Variants in CCP110 observed in about 807,000 individuals in gnomAD.
CCP110 encodes centriolar coiled-coil protein of 110 kDa.
CCP110 carries 43 observed loss-of-function variants against 105.5 expected under a neutral mutation model. The ratio of observed to expected loss-of-function variants is 0.41; its 90% CI spans 0.32 to 0.53. CCP110 has a LOEUF of 0.53. Ranked by LOEUF, CCP110 falls within the 20% of genes least tolerant of loss-of-function variation. CCP110 has a pLI of 0.32. For synonymous variants in CCP110, 353 were observed against 392.1 expected (o/e 0.90, Z 1.18); for missense variants, 1,016 against 1,189.1 (o/e 0.85, Z 2.14).
At chr16:19,530,521 C>T (rs1276050475) in intron 2 of CCP110, among the ~76,000 whole-genome samples, 2 of 151,640 alleles carry the variant, frequency 1.3e-5, no homozygotes, top group Admixed American at 1.3e-4. Flanking sequence ...TGGTGGATGC[C>T]TGTAATCCCA....
chr16:19,526,843 C>G (rs1969690573), intron 1 of CCP110: 1 of 152,054 alleles, frequency 6.6e-6, no homozygotes, highest in East Asian at 1.9e-4. Context: ...TGTTAAGAAG[C>G]TAATTATTTT....
chr16:19,547,113 T>G (rs1250545984), intron 12 of CCP110: 1 of 152,198 alleles, frequency 6.6e-6, no homozygotes, highest in Non-Finnish European at 1.5e-5. Flanking sequence ...CTTAGAAAGC[T>G]AATTTAAGCT....
intron 14 of CCP110, among the ~76,000 whole-genome samples, chr16:19,550,908 G>A (rs1246650142): frequency 1.3e-5 from 2 of 152,180 alleles, no homozygotes; most frequent in Admixed American, 1.3e-4. Context: ...AGCAGAGTAG[G>A]AGGTGGTCAT....
chr16:19,545,950 G>A, intron 11 of CCP110, 60 bp downstream of exon 11: 1 of 928,344 alleles, frequency 1.1e-6, no homozygotes, highest in Non-Finnish European at 1.7e-6. Flanking sequence ...GTCATCTGTT[G>A]GTCTATTTGC....
At chr16:19,543,518 C>T (rs961123543) in intron 8 of CCP110, among the ~76,000 whole-genome samples, 14 of 152,086 alleles carry the variant, frequency 9.2e-5, no homozygotes, top group African/African-American at 2.2e-4. Flanking sequence ...AGAATAACAG[C>T]GTTTTTCAGG....
At chr16:19,539,852 T>G (rs994960426) in intron 4 of CCP110, among the ~76,000 whole-genome samples, 2 of 150,946 alleles carry the variant, frequency 1.3e-5, no homozygotes, top group Non-Finnish European at 2.9e-5. Flanking sequence ...CAGGCTGGAG[T>G]GCAATGGTGC....
At chr16:19,537,165 C>T (rs1198435194) in exon 4 of CCP110, 6 of 1,614,194 alleles carry the variant, frequency 3.7e-6, no homozygotes, top group Non-Finnish European at 5.1e-6. Flanking sequence ...AGTACCTGTG[C>T]TGCGATGCCA....
In CCP110 at chr16:19,539,506, C is replaced by T. The variant is rs183391419; in HGVS notation, c.1919-1151C>T. Among the ~76,000 whole-genome samples the T allele has an allele frequency of 1.4e-3, 211 of 151,856 alleles. 2 individuals are homozygous for T. Among genetic ancestry groups the T allele is most frequent in the African/African-American group, 4.9e-3 (204 of 41,444 alleles). ...CAAGTAGCTGAGATTTACAGGCATGCGCCACCACGCCCAGCTGTTATATTT... is the reference window on the plus strand; with the variant it reads ...CAAGTAGCTGAGATTTACAGGCATGTGCCACCACGCCCAGCTGTTATATTT... On this transcript the variant is annotated intron_variant, in intron 4 of 14. Transcript: ENST00000381396.
At chr16:19,534,872 CTT>C (rs35522152) in intron 3 of CCP110, among the ~76,000 whole-genome samples, 1,277 of 100,502 alleles carry the variant, frequency 0.013, 7 homozygotes, top group African/African-American at 0.014. Flanking sequence ...AATATTCAGA[CTT>C]TTTTTTTTTT....
At position 19,549,750 on chromosome 16, in the gene CCP110, T is replaced by C. The variant is rs756094803; in HGVS notation, c.2986+1150T>C. Reference sequence around the variant, plus strand: ...CTCATGTTAGTATTCTATATTGCACTGAAACTTAGCAAGTTGGAAAATCAT... The same window carrying C: ...CTCATGTTAGTATTCTATATTGCACCGAAACTTAGCAAGTTGGAAAATCAT... On this transcript the variant is annotated intron_variant, in intron 14 of 14. Coordinates refer to ENST00000381396, the Ensembl canonical transcript of CCP110. 4.5e-4 allele frequency among the ~76,000 whole-genome samples: 69 copies of C among 152,364 alleles called. 1 individual carries two copies. Among genetic ancestry groups the C allele is most frequent in the Non-Finnish European group, 4.4e-4 (30 of 68,032 alleles).
At chr16:19,528,536 A>G (rs12447418) in intron 2 of CCP110, among the ~76,000 whole-genome samples, 30,503 of 152,090 alleles carry the variant, frequency 0.2, 3,217 homozygotes, top group African/African-American at 0.24. Context: ...GAAGGATCTC[A>G]ATGATCTAGT....
exon 4 of CCP110, chr16:19,537,139 C>G (rs62000395): frequency 6.2e-7 from 1 of 1,614,096 alleles, no homozygotes; most frequent in Admixed American, 1.7e-5. Flanking sequence ...ATGAGAGAGG[C>G]GCACACATAA....
intron 1 of CCP110, chr16:19,525,984 A>T (rs1161619102): frequency 6.6e-6 from 1 of 152,640 alleles, no homozygotes; most frequent in Non-Finnish European, 1.5e-5. Flanking sequence ...GAGACTGAAG[A>T]ATAAGAAGGA....
At chr16:19,542,146 T>A in intron 6 of CCP110, 82 bp downstream of exon 6, 1 of 950,012 alleles carries the variant, frequency 1.1e-6, no homozygotes, top group Non-Finnish European at 1.5e-6. Context: ...AGATTATATC[T>A]CCTGTTTTCA....
chr16:19,549,055 A>T (rs1235391704), intron 14 of CCP110, among the ~76,000 whole-genome samples: 1 of 152,198 alleles, frequency 6.6e-6, no homozygotes, highest in Non-Finnish European at 1.5e-5. Context: ...TATTTTGCTC[A>T]GTCCAAAGCT....
intron 3 of CCP110, among the ~76,000 whole-genome samples, chr16:19,535,697 TTTTTATAACTC>T (rs1323991371): frequency 4.0e-5 from 6 of 151,526 alleles, no homozygotes; most frequent in African/African-American, 7.3e-5. Flanking sequence ...TAGATGTTTC[TTTTTATAACTC>T]TTTTATAACT....
intron 3 of CCP110, among the ~76,000 whole-genome samples, chr16:19,535,635 T>C (rs761892525): frequency 6.6e-6 from 1 of 152,220 alleles, no homozygotes; most frequent in African/African-American, 2.4e-5. Flanking sequence ...CATGGATATA[T>C]GAATATATGT....
intron 1 of CCP110, chr16:19,526,485 A>T (rs1416363779): frequency 2.0e-5 from 3 of 152,208 alleles, no homozygotes; most frequent in Non-Finnish European, 1.5e-5. Flanking sequence ...TTTAAAATAA[A>T]TAAAAGCTTG....
intron 2 of CCP110, 86 bp downstream of exon 2, chr16:19,528,108 C>A: frequency 9.0e-7 from 1 of 1,113,410 alleles, no homozygotes; most frequent in Non-Finnish European, 1.3e-6. Context: ...GGCTTATAAA[C>A]ATTTGAAGAG....
Sources: allele counts gnomAD v4.1 joint callset (sites outside exome capture counted in the v4.1 genomes callset), GRCh38; gene constraint gnomAD v4.1.1; transcripts MANE v1.5; gene names NCBI Gene and HGNC (gene_info 2026-07-23, HGNC 2026-07-21).